The following PID1 variants were observed in gnomAD, a reference collection of about 807,000 sequenced individuals.
PID1 encodes the protein PTB-containing, cubilin and LRP1-interacting protein.
PID1 carries 10 observed loss-of-function variants against 19.1 expected under a neutral mutation model. The observed-to-expected ratio is 0.52, with a 90% confidence interval of 0.32 to 0.89. PID1 has a LOEUF of 0.89. Ranked by LOEUF, PID1 falls within the 40% of genes least tolerant of loss-of-function variation. The pLI, the probability that PID1 is intolerant of heterozygous loss-of-function variation, is 0.03. For missense variants in PID1, 248 were observed against 285.3 expected (o/e 0.87, Z 0.94); for synonymous variants, 130 against 116.0 (o/e 1.12, Z -0.78).
intron 1 of PID1, chr2:229,236,520 AG>A (rs990601072): frequency 6.6e-6 from 1 of 152,186 alleles, no homozygotes; most frequent in African/African-American, 2.4e-5. Flanking sequence ...TAAAGGAGAA[AG>A]GAGCAGCCCA....
intron 2 of PID1, among the ~76,000 whole-genome samples, chr2:229,042,808 G>C (rs1693797556): frequency 6.6e-6 from 1 of 151,954 alleles, no homozygotes; most frequent in African/African-American, 2.4e-5. Flanking sequence ...CAGATTTTCT[G>C]CTATTACCTA....
rs201096534 is a variant in PID1, at chr2:229,113,386, T to TTATATATATTTATA, written c.177+42418_177+42431dup. 2.1e-3 allele frequency among the ~76,000 whole-genome samples: 303 copies of TTATATATATTTATA among 146,036 alleles called. 2 individuals are homozygous for TTATATATATTTATA. The highest frequency in any genetic ancestry group is 7.2e-3 in the African/African-American group (287 of 39,800). ...TAATGTCTGGAGCCCCTACTATTTT[T>TTATATATATTTATA]TATATATATTTATATATATATATTT... On this transcript the variant is annotated intron_variant, in intron 2 of 2. Coordinates refer to ENST00000392055, the MANE Select transcript of PID1 (RefSeq NM_001100818.2).
intron 1 of PID1, among the ~76,000 whole-genome samples, chr2:229,170,077 T>C (rs1210411064): frequency 6.6e-6 from 1 of 152,218 alleles, no homozygotes; most frequent in East Asian, 1.9e-4. Context: ...CTTAGAACTA[T>C]GAAACGGAAA....
At position 229,243,531 on chromosome 2, in the gene PID1, C is replaced by T. The variant is rs149994706; in HGVS notation, c.30+27483G>A. On this transcript the variant is annotated intron_variant, in intron 1 of 2. Transcript: ENST00000392055. The stretch of plus-strand genomic sequence containing the variant: ...CACTCCCAGAAGACAATGACAATGC[C>T]TGGTATAGTACCTGGCTCAGAGTAG... 4.7e-3 allele frequency among the ~76,000 whole-genome samples: 720 copies of T among 152,186 alleles called. 3 individuals are homozygous for T. The highest frequency in any genetic ancestry group is 0.017 in the African/African-American group (695 of 41,536).
At chr2:229,040,116 T>C (rs1270954778) in intron 2 of PID1, among the ~76,000 whole-genome samples, 1 of 138,538 alleles carries the variant, frequency 7.2e-6, no homozygotes, top group Non-Finnish European at 1.6e-5. Context: ...TATATTGTTA[T>C]GTGGAAAAAA....
At chr2:229,188,487 C>T (rs2106228564) in intron 1 of PID1, among the ~76,000 whole-genome samples, 2 of 152,244 alleles carry the variant, frequency 1.3e-5, no homozygotes, top group South Asian at 4.1e-4. Context: ...CCTGTAATCC[C>T]AGCACTTTGG....
intron 2 of PID1, among the ~76,000 whole-genome samples, chr2:229,028,288 C>T (rs1693469432): frequency 6.6e-6 from 1 of 152,174 alleles, no homozygotes; most frequent in Non-Finnish European, 1.5e-5. Flanking sequence ...ATACCTTATA[C>T]ACATAGCCAT....
intron 1 of PID1, among the ~76,000 whole-genome samples, chr2:229,205,201 C>T (rs1020709236): frequency 1.3e-5 from 2 of 151,970 alleles, no homozygotes; most frequent in Non-Finnish European, 2.9e-5. Flanking sequence ...TACACAGACA[C>T]ATGCACACAT....
At chr2:229,266,297 A>G (rs575521969) in intron 1 of PID1, among the ~76,000 whole-genome samples, 1 of 152,044 alleles carries the variant, frequency 6.6e-6, no homozygotes, top group South Asian at 2.1e-4. Flanking sequence ...ACTTGGAATG[A>G]ATGTGTACAC....
rs565068741 is a variant in PID1 at position 229,111,128 on chromosome 2, A to G, written c.177+44690T>C. On this transcript the variant is annotated intron_variant, in intron 2 of 2. Coordinates refer to ENST00000392055, the MANE Select transcript of PID1 (RefSeq NM_001100818.2). ...TTGCCTTTTGCCTTCCACCATGATT[A>G]TGAGGCCTCCCCAGCCACATGGAAC... Among the ~76,000 whole-genome samples, 40 of 152,284 alleles carry G rather than the reference A, an allele frequency of 2.6e-4. No homozygotes were observed. The South Asian group carries it at 6.0e-3, about 23-fold the overall frequency.
chr2:229,139,025 A>AAGGGAG (rs1689926157), intron 2 of PID1, among the ~76,000 whole-genome samples: 2 of 88,192 alleles, frequency 2.3e-5, no homozygotes, highest in African/African-American at 8.6e-5. Context: ...GAAAGAAAGA[A>AAGGGAG]AGAAAGAAAG....
chr2:229,231,899 A>G, intron 1 of PID1: 1 of 1,550,008 alleles, frequency 6.5e-7, no homozygotes, highest in Non-Finnish European at 8.7e-7. Flanking sequence ...ATAATTTATA[A>G]AAAAAAACAG....
At chr2:229,222,712 T>C (rs1691997977) in intron 1 of PID1, among the ~76,000 whole-genome samples, 1 of 152,232 alleles carries the variant, frequency 6.6e-6, no homozygotes, top group Non-Finnish European at 1.5e-5. Flanking sequence ...TGTCTCCACC[T>C]GACTGTCTTT....
chr2:229,266,923 C>T (rs1559309483), intron 1 of PID1, among the ~76,000 whole-genome samples: 3 of 152,182 alleles, frequency 2.0e-5, no homozygotes, highest in Admixed American at 1.3e-4. Context: ...TTCACCCTGC[C>T]TGATGGGCCA....
At chr2:229,033,089 G>A (rs1447987040) in intron 2 of PID1, among the ~76,000 whole-genome samples, 1 of 152,170 alleles carries the variant, frequency 6.6e-6, no homozygotes, top group African/African-American at 2.4e-5. Context: ...TGGTTGAGCA[G>A]TACCATTTGT....
At chr2:229,155,554 C>T (rs940301434) in intron 2 of PID1, among the ~76,000 whole-genome samples, 1 of 145,722 alleles carries the variant, frequency 6.9e-6, no homozygotes, top group Non-Finnish European at 1.5e-5. Context: ...GCCTGGGCGA[C>T]AGAGCGAGAC....
chr2:229,235,778 C>T (rs895564738), intron 1 of PID1, among the ~76,000 whole-genome samples: 2 of 152,206 alleles, frequency 1.3e-5, no homozygotes, highest in East Asian at 3.9e-4. Flanking sequence ...ACTGGCTAAT[C>T]GGCATTCCAG....
At chr2:229,073,157 C>A (rs997474105) in intron 2 of PID1, among the ~76,000 whole-genome samples, 1 of 152,196 alleles carries the variant, frequency 6.6e-6, no homozygotes, top group South Asian at 2.1e-4. Flanking sequence ...TCCTGAGTAG[C>A]TGGGACTACC....
At chr2:229,113,213 C>T (rs751841603) in intron 2 of PID1, among the ~76,000 whole-genome samples, 18 of 151,874 alleles carry the variant, frequency 1.2e-4, no homozygotes, top group Non-Finnish European at 2.5e-4. Context: ...AACTCCTCAT[C>T]CACTATATGA....
Sources: gnomAD v4.1 joint callset for allele counts (sites outside exome capture counted in the v4.1 genomes callset) on GRCh38, gnomAD v4.1.1 for gene constraint, MANE v1.5 for transcripts, NCBI Gene and HGNC (gene_info 2026-07-23, HGNC 2026-07-21) for gene names.